HAND1: variants seen among roughly 807,000 people sequenced by gnomAD.
HAND1 encodes heart and neural crest derivatives expressed 1, also known as heart- and neural crest derivatives-expressed protein 1.
In HAND1, 10 loss-of-function variants were observed where a neutral mutation model predicts 14.5. The observed-to-expected ratio is 0.69, with a 90% CI of 0.42 to 1.17. The LOEUF (loss-of-function observed/expected upper bound fraction) is 1.17, where lower values mean the gene tolerates loss of function less well. HAND1 is among the 50% of genes most tolerant of loss of function. The probability of loss-of-function intolerance (pLI) is 0.00; values close to 1 mark genes in which losing one functional copy is unlikely to be tolerated. For missense variants in HAND1, 299 were observed against 298.4 expected (o/e 1.00, Z -0.01); for synonymous variants, 128 against 127.1 (o/e 1.01, Z -0.05).
Position 154,475,742 on chromosome 5 carries a change from C to T in HAND1, c.*64G>A. 1 of 1,205,048 alleles carries T rather than the reference C, an allele frequency of 8.3e-7. No individual in the cohort carries two copies. The highest frequency in any genetic ancestry group is 1.2e-6 in the Non-Finnish European group (1 of 810,236). The allele number at this position is 1,205,048 out of a possible 1,614,324, so 74.6% of individuals were successfully genotyped here. A position where few individuals can be genotyped will look rare whatever the true frequency, so the allele number is the denominator to read the frequency against. ...CCCAGAGCCTGGCGTTCGCCGCTGCCTTCCTCTCCTCCCGGGGCTTCAGGA... is the reference window on the plus strand; with the variant it reads ...CCCAGAGCCTGGCGTTCGCCGCTGCTTTCCTCTCCTCCCGGGGCTTCAGGA... On this transcript the variant is annotated 3_prime_UTR_variant, in exon 2 of 2. Transcript: ENST00000231121.
rs1757521938 is a variant in HAND1 at position 154,475,222 on chromosome 5, A to G, written c.*584T>C. On this transcript the variant is annotated 3_prime_UTR_variant, in exon 2 of 2. Transcript: ENST00000231121. ...AGAAAAGAGAGAGACAGAGAAAGAG[A>G]GAAAGTGTTTCCCTTGGAACTAAAC... The G allele has an allele frequency of 6.5e-6, 1 of 153,270 alleles. No homozygotes were observed. Among genetic ancestry groups the G allele is most frequent in the African/African-American group, 2.4e-5 (1 of 41,426 alleles). 9.5% of individuals were successfully genotyped at this position (153,270 alleles called of 1,614,324 possible). A position where few individuals can be genotyped will look rare whatever the true frequency, so the allele number is the denominator to read the frequency against.
At position 154,477,881 on chromosome 5, in the gene HAND1, T is replaced by C. The variant is rs768965463; in HGVS notation, c.128A>G (p.Gln43Arg). ...GTCAGCCGGGCTCAGCAGCCAGCTC[T>C]GGAAGTAGGGCCTTTCCTGATGACA... ...SRCHQERPYF[Q>R]SWLLSPADAA... The change falls in exon 1 of 2, where the codon CAG (glutamine) becomes CGG (arginine). Residue 43 changes from glutamine to arginine, a missense_variant. Physicochemically the swap from Gln to Arg is conservative, Grantham distance 43 (BLOSUM62 1). Transcript: ENST00000231121. 8 of 1,600,886 alleles carry C rather than the reference T, an allele frequency of 5.0e-6. No individual in the cohort carries two copies. Among genetic ancestry groups the C allele is most frequent in the African/African-American group, 2.7e-5 (2 of 74,890 alleles).
At chr5:154,476,109 T>C (rs1162342650) in intron 1 of HAND1, among the ~76,000 whole-genome samples, 199 bp from the exon 2 acceptor site, 2 of 152,134 alleles carry the variant, frequency 1.3e-5, no homozygotes, top group African/African-American at 4.8e-5. Flanking sequence ...GCGGAGTTCC[T>C]GGGACCCGGG....
chr5:154,476,968 C>T (rs1269129300), intron 1 of HAND1, among the ~76,000 whole-genome samples: 1 of 152,188 alleles, frequency 6.6e-6, no homozygotes, highest in African/African-American at 2.4e-5. Flanking sequence ...CCCTGGACTC[C>T]TCAGATAGGT....
chr5:154,477,612 T>C lies in HAND1; in HGVS notation c.397A>G (p.Ile133Val). Residue 133 changes from isoleucine to valine, a missense_variant, in exon 1 of 2, where the codon ATC becomes GTC. Transcript: ENST00000231121. ...CTGGTGGCTAGGCGCAGAGTCTTGA[T>C]CTTGGAGAGCTTGGTGTCGGCCGGC... Reference protein sequence around the residue: ...NVPADTKLSKIKTLRLATSYI... With the variant: ...NVPADTKLSKVKTLRLATSYI... The C allele has an allele frequency of 6.2e-7, 1 of 1,614,200 alleles. No individual in the cohort carries two copies. Among genetic ancestry groups the C allele is most frequent in the South Asian group, 1.1e-5 (1 of 91,078 alleles).
chr5:154,477,268 G>A (rs892379873), intron 1 of HAND1, among the ~76,000 whole-genome samples, 198 bp downstream of exon 1: 2 of 152,128 alleles, frequency 1.3e-5, no homozygotes, highest in African/African-American at 4.8e-5. Context: ...ACACTCTCCC[G>A]TATTACAAAT....
At position 154,475,589 on chromosome 5, in the gene HAND1, C is replaced by T. The variant is rs1757527942; in HGVS notation, c.*217G>A. ...GCTGGGGGTGGATATATATATATTTCTCTTTCTCTTAATGTATTAAAAAAA... is the reference window on the plus strand; with the variant it reads ...GCTGGGGGTGGATATATATATATTTTTCTTTCTCTTAATGTATTAAAAAAA... On this transcript the variant is annotated 3_prime_UTR_variant, in exon 2 of 2. Transcript: ENST00000231121. 1 of 583,280 alleles carries T rather than the reference C, an allele frequency of 1.7e-6. No homozygotes were observed. The highest frequency in any genetic ancestry group is 3.1e-6 in the Non-Finnish European group (1 of 325,514). 36.1% of individuals were successfully genotyped at this position (583,280 alleles called of 1,614,324 possible). A position where few individuals can be genotyped will look rare whatever the true frequency, so the allele number is the denominator to read the frequency against.
chr5:154,475,887 A>G lies in HAND1; in HGVS notation c.567T>C (p.Pro189=). 1 of 1,613,996 alleles carries G rather than the reference A, an allele frequency of 6.2e-7. No homozygotes were observed. Among genetic ancestry groups the G allele is most frequent in the South Asian group, 1.1e-5 (1 of 91,088 alleles). The part of the protein sequence containing the change: ...RELQQHEGFP[P]ALGPVEKRIK... ...TCCTCTTCTCGACTGGGCCCAGGGC[A>G]GGAGGAAAACCTTCGTGCTGCTGCT... The change falls in exon 2 of 2, where the codon CCT becomes CCC. Residue 189 remains proline, a synonymous_variant. Coordinates refer to ENST00000231121, the MANE Select transcript of HAND1 (RefSeq NM_004821.3).
chr5:154,477,695 C>T lies in HAND1; in HGVS notation c.314G>A (p.Arg105Lys), dbSNP rs765342459. 6.2e-7 allele frequency: 1 copy of T among 1,614,218 alleles called. No individual in the cohort carries two copies. Among genetic ancestry groups the T allele is most frequent in the Non-Finnish European group, 8.5e-7 (1 of 1,180,040 alleles). ...RKGSGPKKER[R>K]RTESINSAFA... Reference sequence around the variant, plus strand: ...TGCGCTGTTAATGCTCTCAGTGCGTCTCCGCTCCTTCTTGGGTCCTGAGCC... The same window carrying T: ...TGCGCTGTTAATGCTCTCAGTGCGTTTCCGCTCCTTCTTGGGTCCTGAGCC... Residue 105 changes from arginine to lysine, a missense_variant, in exon 1 of 2, where the codon AGA becomes AAA. Coordinates refer to ENST00000231121, the MANE Select transcript of HAND1 (RefSeq NM_004821.3).
rs1757528008 is a variant in HAND1 at position 154,475,595 on chromosome 5, C to T, written c.*211G>A. 3.4e-6 allele frequency: 2 copies of T among 592,292 alleles called. No individual in the cohort carries two copies. Among genetic ancestry groups the T allele is most frequent in the African/African-American group, 1.9e-5 (1 of 53,680 alleles). The allele number at this position is 592,292 out of a possible 1,614,324, so 36.7% of individuals were successfully genotyped here. The stretch of plus-strand genomic sequence containing the variant: ...GGTGGATATATATATATTTCTCTTT[C>T]TCTTAATGTATTAAAAAAAATCAAA... On this transcript the variant is annotated 3_prime_UTR_variant, in exon 2 of 2. Transcript: ENST00000231121.
Position 154,478,153 on chromosome 5 carries a change from C to T in HAND1, c.-145G>A. On this transcript the variant is annotated 5_prime_UTR_variant, in exon 1 of 2. Coordinates refer to ENST00000231121, the MANE Select transcript of HAND1 (RefSeq NM_004821.3). The surrounding 1 kb of genome is among the most constrained non-coding windows in gnomAD (Gnocchi z 4.5). ...TCCGGGCAAGGCTGAAAATGAGACG[C>T]GCAGCCCACTGTCTTCTTACCGGTT... is the stretch of plus-strand genomic sequence containing the variant. 1.2e-6 allele frequency: 1 copy of T among 832,838 alleles called. No individual in the cohort carries two copies. Among genetic ancestry groups the T allele is most frequent in the Non-Finnish European group, 1.9e-6 (1 of 523,198 alleles). The allele number at this position is 832,838 out of a possible 1,614,324, so 51.6% of individuals were successfully genotyped here.
In HAND1 at chr5:154,478,076, G is replaced by A; in HGVS notation, c.-68C>T. ...CGCTCCATGCGCCCCAGAGACTGCC[G>A]GGGGCCACCTGTGGGCTCTGGAGCC... On this transcript the variant is annotated 5_prime_UTR_variant, in exon 1 of 2. Coordinates refer to ENST00000231121, the MANE Select transcript of HAND1 (RefSeq NM_004821.3). This position sits in a 1 kb window ranked among gnomAD's most constrained non-coding sequence, Gnocchi z 4.5. 1.3e-6 allele frequency: 2 copies of A among 1,569,858 alleles called. No individual in the cohort carries two copies. The highest frequency in any genetic ancestry group is 1.7e-6 in the Non-Finnish European group (2 of 1,157,258).
chr5:154,477,068 G>A (rs1757554141), intron 1 of HAND1, among the ~76,000 whole-genome samples: 1 of 152,138 alleles, frequency 6.6e-6, no homozygotes, highest in South Asian at 2.1e-4. Context: ...AAGGCCCTTT[G>A]AAAACAGGAA....
At chr5:154,476,652 G>A (rs553798021) in intron 1 of HAND1, among the ~76,000 whole-genome samples, 46 of 152,258 alleles carry the variant, frequency 3.0e-4, no homozygotes, top group African/African-American at 1.1e-3. Context: ...ACCAGGTGGG[G>A]CGCTTCAGCT....
At chr5:154,476,005 G>T (rs1013000795) in intron 1 of HAND1, 95 bp from the exon 2 acceptor site, 1 of 899,304 alleles carries the variant, frequency 1.1e-6, no homozygotes, top group African/African-American at 1.6e-5. Context: ...AGGAGGAGGG[G>T]AAGGTGTCGG....
chr5:154,476,690 C>G (rs1028650659), intron 1 of HAND1, among the ~76,000 whole-genome samples: 13 of 152,160 alleles, frequency 8.5e-5, no homozygotes, highest in Non-Finnish European at 1.6e-4. Flanking sequence ...GCCTTAAGCC[C>G]CCCAACCTAG....
chr5:154,475,688 C>G lies in HAND1; in HGVS notation c.*118G>C. ...ACCTGCCGGCGCTCAGCAGAAGCTC[C>G]GCGGGATGCGTAGCACCAGTCGCCG... On this transcript the variant is annotated 3_prime_UTR_variant, in exon 2 of 2. Coordinates refer to ENST00000231121, the MANE Select transcript of HAND1 (RefSeq NM_004821.3). 2.6e-6 allele frequency: 2 copies of G among 769,304 alleles called. No individual in the cohort carries two copies. The highest frequency in any genetic ancestry group is 5.3e-5 in the East Asian group (2 of 37,524). The allele number at this position is 769,304 out of a possible 1,614,324, so 47.7% of individuals were successfully genotyped here.
At chr5:154,476,764 C>T (rs1479100804) in intron 1 of HAND1, among the ~76,000 whole-genome samples, 1 of 152,140 alleles carries the variant, frequency 6.6e-6, no homozygotes, top group African/African-American at 2.4e-5. Context: ...ACAGCCAGAC[C>T]GAGTGCCAGG....
At chr5:154,477,374 G>A (rs1757558887) in intron 1 of HAND1, 92 bp downstream of exon 1, 5 of 1,028,450 alleles carry the variant, frequency 4.9e-6, no homozygotes, top group Admixed American at 3.4e-5. Flanking sequence ...ATCGGACACA[G>A]GACAACACAG....
Sources: allele counts gnomAD v4.1 joint callset (sites outside exome capture counted in the v4.1 genomes callset), GRCh38; gene constraint gnomAD v4.1.1; non-coding constraint Gnocchi (gnomAD v3.1); transcripts MANE v1.5; gene names NCBI Gene and HGNC (gene_info 2026-07-23, HGNC 2026-07-21).